MYO3B: variants seen among roughly 807,000 people sequenced by gnomAD.
MYO3B encodes myosin-IIIb.
MYO3B carries 156 observed loss-of-function variants against 174.6 expected under a neutral mutation model. The ratio of observed to expected loss-of-function variants is 0.89; its 90% CI spans 0.78 to 1.02. The LOEUF is 1.02. MYO3B is among the 50% of genes least tolerant of loss of function. MYO3B has a pLI of 0.00. For synonymous variants in MYO3B, 563 were observed against 569.1 expected (o/e 0.99, Z 0.15); for missense variants, 1,632 against 1,639.4 (o/e 1.00, Z 0.08).
At chr2:170,589,970 A>G (rs1431003883) in intron 32 of MYO3B, among the ~76,000 whole-genome samples, 1 of 152,156 alleles carries the variant, frequency 6.6e-6, no homozygotes, top group African/African-American at 2.4e-5. Context: ...ATACCATCGT[A>G]TTGTAATTGC....
At chr2:170,634,758 C>G (rs1697321734) in intron 32 of MYO3B, among the ~76,000 whole-genome samples, 1 of 152,150 alleles carries the variant, frequency 6.6e-6, no homozygotes, top group African/African-American at 2.4e-5. Flanking sequence ...ACAAAGAACT[C>G]AAACAAATTT....
At chr2:170,456,191 G>A (rs1008053587) in intron 23 of MYO3B, among the ~76,000 whole-genome samples, 1 of 152,144 alleles carries the variant, frequency 6.6e-6, no homozygotes, top group Non-Finnish European at 1.5e-5. Context: ...AATGATTTTA[G>A]GGGAATTTAA....
intron 27 of MYO3B, among the ~76,000 whole-genome samples, chr2:170,500,019 T>C (rs1338417732): frequency 6.6e-6 from 1 of 150,814 alleles, no homozygotes; most frequent in African/African-American, 2.4e-5. Context: ...ATCAAGTGCC[T>C]ACTACACAGG....
At chr2:170,198,051 G>GAAATAA (rs1349931145) in intron 1 of MYO3B, among the ~76,000 whole-genome samples, 2 of 151,656 alleles carry the variant, frequency 1.3e-5, no homozygotes, top group South Asian at 4.2e-4. Flanking sequence ...AAGCTCCTAG[G>GAAATAA]GCCTCTGAAA....
At chr2:170,584,133 A>G (rs756961521) in intron 32 of MYO3B, among the ~76,000 whole-genome samples, 1 of 152,240 alleles carries the variant, frequency 6.6e-6, no homozygotes, top group Non-Finnish European at 1.5e-5. Flanking sequence ...CTTTTGGCCA[A>G]TTAAATGAAT....
chr2:170,383,864 G>T, intron 12 of MYO3B, 50 bp downstream of exon 12: 2 of 1,423,950 alleles, frequency 1.4e-6, no homozygotes, highest in Non-Finnish European at 2.0e-6. Flanking sequence ...AAGACATGTT[G>T]TGTCTTCCTC....
chr2:170,553,593 C>T (rs1427879139), intron 32 of MYO3B, among the ~76,000 whole-genome samples: 1 of 152,066 alleles, frequency 6.6e-6, no homozygotes, highest in Admixed American at 6.6e-5. Flanking sequence ...AGGGACTTGC[C>T]TTGCCTCAGA....
chr2:170,623,677 G>C (rs1258924520), intron 32 of MYO3B, among the ~76,000 whole-genome samples: 1 of 152,146 alleles, frequency 6.6e-6, no homozygotes, highest in Non-Finnish European at 1.5e-5. Flanking sequence ...GTATTGCCTA[G>C]GTTTTCTTCT....
intron 32 of MYO3B, among the ~76,000 whole-genome samples, chr2:170,547,386 C>T (rs1057325581): frequency 6.6e-6 from 1 of 151,550 alleles, no homozygotes; most frequent in Non-Finnish European, 1.5e-5. Context: ...GCTTATTGCT[C>T]ACATTAAGAG....
intron 1 of MYO3B, 51 bp downstream of exon 1, chr2:170,178,340 T>C (rs1476160635): frequency 6.2e-7 from 1 of 1,613,760 alleles, no homozygotes; most frequent in Non-Finnish European, 8.5e-7. Flanking sequence ...TGCTTTAGAT[T>C]GTTTTTCTGC....
intron 23 of MYO3B, among the ~76,000 whole-genome samples, chr2:170,458,258 G>A (rs1684026104): frequency 1.3e-5 from 2 of 152,078 alleles, no homozygotes; most frequent in Non-Finnish European, 2.9e-5. Flanking sequence ...CTAGGCAATG[G>A]GATTTTTTCA....
intron 32 of MYO3B, among the ~76,000 whole-genome samples, chr2:170,551,789 C>T (rs1373653712): frequency 1.3e-5 from 2 of 152,070 alleles, no homozygotes; most frequent in Admixed American, 6.5e-5. Context: ...AATTGTAATC[C>T]TCAGTGTTGG....
Position 170,517,390 on chromosome 2 carries a change from G to A in MYO3B, c.3473-2048G>A, listed in dbSNP as rs186178601. Among the ~76,000 whole-genome samples the A allele has an allele frequency of 1.2e-4, 18 of 152,176 alleles. No homozygotes were observed. In the East Asian group the frequency reaches 2.3e-3, roughly 20 times the overall value. On this transcript the variant is annotated intron_variant, in intron 29 of 34. Transcript: ENST00000408978. ...CCAGGTAAAGATATTGCTTCCTCTC[G>A]TTCTGGTCTTGGACATGGCACCTTC...
chr2:170,211,672 C>T (rs1402938813), intron 3 of MYO3B, among the ~76,000 whole-genome samples: 1 of 152,122 alleles, frequency 6.6e-6, no homozygotes, highest in Non-Finnish European at 1.5e-5. Context: ...CTGGAAAGTA[C>T]TCATTTCCTA....
intron 32 of MYO3B, among the ~76,000 whole-genome samples, chr2:170,615,603 C>T (rs6757330): frequency 0.033 from 5,051 of 152,304 alleles, 284 homozygotes; most frequent in African/African-American, 0.11. Context: ...TGGCTTAAAA[C>T]GGCAAACATT....
At chr2:170,556,196 GA>G (rs560028726) in intron 32 of MYO3B, among the ~76,000 whole-genome samples, 125 of 142,420 alleles carry the variant, frequency 8.8e-4, no homozygotes, top group South Asian at 1.1e-3. Flanking sequence ...ACTCTGTCTA[GA>G]AAAAAAAAAA....
intron 23 of MYO3B, among the ~76,000 whole-genome samples, chr2:170,444,934 G>A (rs779455413): frequency 2.6e-5 from 4 of 152,182 alleles, no homozygotes; most frequent in Non-Finnish European, 5.9e-5. Context: ...GATAGCGCAT[G>A]TAAAATTTTA....
At chr2:170,493,287 C>T (rs141476923) in intron 25 of MYO3B, among the ~76,000 whole-genome samples, 30 of 152,252 alleles carry the variant, frequency 2.0e-4, no homozygotes, top group Admixed American at 5.9e-4. Flanking sequence ...GCAAGTTTAT[C>T]AGTCTTTTCC....
intron 5 of MYO3B, among the ~76,000 whole-genome samples, chr2:170,216,258 C>T (rs1363652510): frequency 6.6e-6 from 1 of 152,202 alleles, no homozygotes; most frequent in Non-Finnish European, 1.5e-5. Flanking sequence ...CAACCCTTGT[C>T]ATTCTCTTAA....
Sources: allele counts gnomAD v4.1 joint callset (sites outside exome capture counted in the v4.1 genomes callset), GRCh38; gene constraint gnomAD v4.1.1; transcripts MANE v1.5; gene names NCBI Gene and HGNC (gene_info 2026-07-23, HGNC 2026-07-21).